The following RIOK3 variants were observed in gnomAD, a reference collection of about 807,000 sequenced individuals.
The protein encoded by RIOK3 is serine/threonine-protein kinase RIO3.
Under a neutral mutation model 63.5 loss-of-function variants are expected in RIOK3, and 40 were observed. That is an observed-to-expected ratio of 0.63 (90% CI 0.49 to 0.82). The LOEUF is 0.82. Among genes scored for constraint, RIOK3 ranks in the 40% least tolerant of loss-of-function variants. The pLI, the probability that RIOK3 is intolerant of heterozygous loss-of-function variation, is 0.00. For synonymous variants in RIOK3, 193 were observed against 205.0 expected, an observed-to-expected ratio of 0.94 and a Z score of 0.50; for missense variants, 557 against 637.0, an observed-to-expected ratio of 0.87 and a Z score of 1.35.
chr18:23,459,923 A>T (rs2145671859), intron 1 of RIOK3, among the ~76,000 whole-genome samples: 1 of 152,218 alleles, frequency 6.6e-6, no homozygotes. Context: ...CGAACTCCTG[A>T]CCTCAGGTGA....
intron 1 of RIOK3, among the ~76,000 whole-genome samples, chr18:23,457,463 A>T (rs770227827): frequency 4.6e-5 from 7 of 152,244 alleles, no homozygotes; most frequent in Non-Finnish European, 1.0e-4. Context: ...CAGAAAAAGG[A>T]TGTTAGAGAA....
At position 23,477,270 on chromosome 18, in the gene RIOK3, T is replaced by G; in HGVS notation, c.1344+2T>G. On this transcript the variant is annotated splice_donor_variant, in intron 11 of 12. Transcript: ENST00000339486. LOFTEE classifies it high-confidence loss of function. ...CGGGACTGCAGGAATGTCTCGCAGG[T>G]AGACGTGTAAACCAATATGCCTTTT... 6.2e-7 allele frequency: 1 copy of G among 1,613,036 alleles called. No individual in the cohort carries two copies. Among genetic ancestry groups the G allele is most frequent in the African/African-American group, 1.3e-5 (1 of 75,036 alleles).
intron 12 of RIOK3, 147 bp from the exon 13 acceptor site, chr18:23,481,025 A>G: frequency 1.7e-6 from 1 of 577,336 alleles, no homozygotes; most frequent in Non-Finnish European, 3.1e-6. Context: ...GGTTGCAGTG[A>G]GCCGAGATTG....
chr18:23,480,928 A>C (rs886952220), intron 12 of RIOK3, among the ~76,000 whole-genome samples: 4 of 152,220 alleles, frequency 2.6e-5, no homozygotes, highest in Non-Finnish European at 5.9e-5. Context: ...TTTACTAAAA[A>C]TACAAAAATT....
At chr18:23,470,268 A>G (rs2057447530) in intron 7 of RIOK3, among the ~76,000 whole-genome samples, 1 of 151,798 alleles carries the variant, frequency 6.6e-6, no homozygotes, top group Non-Finnish European at 1.5e-5. Context: ...TGGGAGGCTG[A>G]GGCAGGAGAA....
intron 5 of RIOK3, among the ~76,000 whole-genome samples, chr18:23,465,032 G>A (rs965195330): frequency 1.8e-4 from 27 of 152,058 alleles, no homozygotes. Context: ...ATTATCTTGT[G>A]CCTGAACTAC....
Position 23,458,497 on chromosome 18 carries a change from C to T in RIOK3, c.64-4467C>T, listed in dbSNP as rs549116934. Reference sequence around the variant, plus strand: ...GGCTGGTTAAAAGCTTGATGGATGTCCTTTGAAGTAGAATCGCTGACTGGA... The same window carrying T: ...GGCTGGTTAAAAGCTTGATGGATGTTCTTTGAAGTAGAATCGCTGACTGGA... On this transcript the variant is annotated intron_variant, in intron 1 of 12. Transcript: ENST00000339486. Among the ~76,000 whole-genome samples, 4 of 152,198 alleles carry T rather than the reference C, an allele frequency of 2.6e-5. No homozygotes were observed. The East Asian group carries it at 7.7e-4, about 29-fold the overall frequency.
In RIOK3 at chr18:23,453,344, C is replaced by T. The variant is rs1174777204; in HGVS notation, c.-96C>T. On this transcript the variant is annotated 5_prime_UTR_variant, in exon 1 of 13. Transcript: ENST00000339486. The stretch of plus-strand genomic sequence containing the variant: ...TCTGTCACCTCCACTCCGGCATCAG[C>T]AGCCAGTCGCCCGTGTCCCGCCTGT... The T allele has an allele frequency of 2.3e-5, 23 of 1,018,942 alleles. No homozygotes were observed. The highest frequency in any genetic ancestry group is 3.2e-5 in the Non-Finnish European group (21 of 648,930). The allele number at this position is 1,018,942 out of a possible 1,614,324, so 63.1% of individuals were successfully genotyped here. A position where few individuals can be genotyped will look rare whatever the true frequency, so the allele number is the denominator to read the frequency against.
In RIOK3 at chr18:23,453,331, A is replaced by G. The variant is rs1598799378; in HGVS notation, c.-109A>G. The G allele has an allele frequency of 1.1e-6, 1 of 903,272 alleles. No individual in the cohort carries two copies. Among genetic ancestry groups the G allele is most frequent in the South Asian group, 1.3e-5 (1 of 74,466 alleles). The allele number at this position is 903,272 out of a possible 1,614,324, so 56.0% of individuals were successfully genotyped here. A position where few individuals can be genotyped will look rare whatever the true frequency, so the allele number is the denominator to read the frequency against. Reference sequence around the variant, plus strand: ...GCCGTCGCCGCCATCTGTCACCTCCACTCCGGCATCAGCAGCCAGTCGCCC... The same window carrying G: ...GCCGTCGCCGCCATCTGTCACCTCCGCTCCGGCATCAGCAGCCAGTCGCCC... On this transcript the variant is annotated 5_prime_UTR_variant, in exon 1 of 13. Transcript: ENST00000339486.
intron 5 of RIOK3, 115 bp downstream of exon 5, chr18:23,464,743 T>C: frequency 1.9e-6 from 1 of 531,998 alleles, no homozygotes; most frequent in Non-Finnish European, 3.2e-6. Flanking sequence ...TTTCTAAAGA[T>C]GTTTTTAGAT....
At position 23,482,010 on chromosome 18, in the gene RIOK3, C is replaced by G. The variant is rs535060954; in HGVS notation, c.*731C>G. 1.3e-5 allele frequency: 2 copies of G among 152,262 alleles called. No homozygotes were observed. The highest frequency in any genetic ancestry group is 4.1e-4 in the South Asian group (2 of 4,830). The allele number at this position is 152,262 out of a possible 1,614,324, so 9.4% of individuals were successfully genotyped here. A position where few individuals can be genotyped will look rare whatever the true frequency, so the allele number is the denominator to read the frequency against. ...TTTAGGTAAAATGGTTAGGATATAA[C>G]TCATGGTGTGGCTAATCTACATTTA... On this transcript the variant is annotated 3_prime_UTR_variant, in exon 13 of 13. Coordinates refer to ENST00000339486, the MANE Select transcript of RIOK3 (RefSeq NM_003831.5).
chr18:23,479,246 G>A, intron 11 of RIOK3, 71 bp from the exon 12 acceptor site: 1 of 913,792 alleles, frequency 1.1e-6, no homozygotes, highest in Non-Finnish European at 1.8e-6. Context: ...TAAATGTGCT[G>A]CTCCCTGTTT....
At position 23,453,467 on chromosome 18, in the gene RIOK3, G is replaced by C; in HGVS notation, c.28G>C (p.Glu10Gln). MDLVGVASPEPGTAAAWGPS... is the reference protein window; with the variant it reads MDLVGVASPQPGTAAAWGPS... ...GGATCTGGTAGGAGTGGCATCGCCT[G>C]AGCCCGGGACGGCAGCGGCCTGGGG... The change falls in exon 1 of 13, where the codon GAG becomes CAG. Residue 10 changes from glutamate (E) to glutamine (Q), a missense_variant. Around this residue, in one of 3 missense-constraint regions of RIOK3, gnomAD observed 243 missense variants for 275.4 expected, o/e 0.88. Transcript: ENST00000339486. 1 of 1,613,914 alleles carries C rather than the reference G, an allele frequency of 6.2e-7. No individual in the cohort carries two copies. Among genetic ancestry groups the C allele is most frequent in the Non-Finnish European group, 8.5e-7 (1 of 1,179,920 alleles).
intron 7 of RIOK3, among the ~76,000 whole-genome samples, chr18:23,469,443 C>CCTCT (rs1173380978): frequency 7.8e-6 from 1 of 128,834 alleles, no homozygotes; most frequent in Non-Finnish European, 1.7e-5. Context: ...TCTCCTCTCT[C>CCTCT]CTCTCTCTCT....
chr18:23,455,398 C>CTT (rs59013172), intron 1 of RIOK3, among the ~76,000 whole-genome samples: 5 of 127,506 alleles, frequency 3.9e-5, no homozygotes, highest in African/African-American at 8.7e-5. Context: ...TTTTCTTTTT[C>CTT]TTTTTTTTTT....
rs67305895 is a variant in RIOK3 at position 23,478,606 on chromosome 18, CATATATATATATAT to C, written c.1345-672_1345-659del. On this transcript the variant is annotated intron_variant, in intron 11 of 12. Coordinates refer to ENST00000339486, the MANE Select transcript of RIOK3 (RefSeq NM_003831.5). Reference sequence around the variant, plus strand: ...GGCCCTGTCTCTTAAAAAAACAAAACATATATATATATATATATATATATATATATATATATATA... The same window carrying C: ...GGCCCTGTCTCTTAAAAAAACAAAACATATATATATATATATATATATATA... Among the ~76,000 whole-genome samples the C allele has an allele frequency of 1.9e-3, 248 of 130,898 alleles. 1 individual carries two copies. The highest frequency in any genetic ancestry group is 4.3e-3 in the African/African-American group (135 of 31,232). 85.9% of individuals were successfully genotyped at this position (130,898 alleles called of 152,430 possible). A position where few individuals can be genotyped will look rare whatever the true frequency, so the allele number is the denominator to read the frequency against.
chr18:23,482,592 T>TA lies in RIOK3; in HGVS notation c.*1314dup. The TA allele has an allele frequency of 6.6e-6, 1 of 152,310 alleles. No individual in the cohort carries two copies. The highest frequency in any genetic ancestry group is 2.1e-4 in the South Asian group (1 of 4,830). 9.4% of individuals were successfully genotyped at this position (152,310 alleles called of 1,614,324 possible). A position where few individuals can be genotyped will look rare whatever the true frequency, so the allele number is the denominator to read the frequency against. On this transcript the variant is annotated 3_prime_UTR_variant, in exon 13 of 13. Coordinates refer to ENST00000339486, the MANE Select transcript of RIOK3 (RefSeq NM_003831.5). ...ATCTGGCCTTACTCTTAGTAGTTTT[T>TA]AGTACGTGCTGGACACCACTTTTAA...
intron 1 of RIOK3, among the ~76,000 whole-genome samples, chr18:23,461,576 G>A (rs919497052): frequency 2.6e-5 from 4 of 152,176 alleles, no homozygotes; most frequent in Non-Finnish European, 5.9e-5. Context: ...AAATAGTAAA[G>A]GTCTTAATCA....
At chr18:23,478,966 A>G in intron 11 of RIOK3, 1 of 201,316 alleles carries the variant, frequency 5.0e-6, no homozygotes, top group Non-Finnish European at 1.0e-5. Flanking sequence ...AAAAGCAACT[A>G]GAACCTGAGT....
Sources: allele counts gnomAD v4.1 joint callset (sites outside exome capture counted in the v4.1 genomes callset), GRCh38; gene constraint gnomAD v4.1.1; regional missense constraint gnomAD v4.1.1; transcripts MANE v1.5; gene names NCBI Gene and HGNC (gene_info 2026-07-23, HGNC 2026-07-21).